Variants in CD101 observed in about 807,000 individuals in gnomAD.
The protein encoded by CD101 is immunoglobulin superfamily member 2.
CD101 carries 76 observed loss-of-function variants against 98.2 expected under a neutral mutation model. The observed-to-expected ratio is 0.77, with a 90% CI of 0.64 to 0.94. The LOEUF is 0.94. CD101 is among the 40% of genes least tolerant of loss of function. The probability of loss-of-function intolerance (pLI) is 0.00; values close to 1 mark genes in which losing one functional copy is unlikely to be tolerated. For missense variants in CD101, 1,145 were observed against 1,218.8 expected (o/e 0.94, Z 0.90); for synonymous variants, 471 against 472.7 (o/e 1.00, Z 0.05).
chr1:117,028,102 T>G (rs1175754936), intron 8 of CD101, among the ~76,000 whole-genome samples: 3 of 145,450 alleles, frequency 2.1e-5, no homozygotes, highest in Non-Finnish European at 4.5e-5. Context: ...AATAAATAAA[T>G]AAATAAAATA....
intron 8 of CD101, among the ~76,000 whole-genome samples, chr1:117,031,781 T>C (rs1654481229): frequency 6.6e-6 from 1 of 152,238 alleles, no homozygotes; most frequent in Admixed American, 6.5e-5. Flanking sequence ...AGGAAACTAA[T>C]GATTAAGAGA....
chr1:117,027,563 G>C (rs539236748), intron 8 of CD101, among the ~76,000 whole-genome samples: 1 of 152,120 alleles, frequency 6.6e-6, no homozygotes, highest in Non-Finnish European at 1.5e-5. Context: ...TGTTATATTC[G>C]GGGAACTCCT....
At position 117,019,021 on chromosome 1, in the gene CD101, G is replaced by A. The variant is rs766591143; in HGVS notation, c.2017+461G>A. Among the ~76,000 whole-genome samples the A allele has an allele frequency of 2.0e-5, 3 of 152,168 alleles. No homozygotes were observed. The highest frequency in any genetic ancestry group is 4.4e-5 in the Non-Finnish European group (3 of 68,046). ...ACCTACTTCTTTGTAAGGTGTTAATGTATAAGAGTCAGAGAATTTATTATT... is the reference window on the plus strand; with the variant it reads ...ACCTACTTCTTTGTAAGGTGTTAATATATAAGAGTCAGAGAATTTATTATT... On this transcript the variant is annotated intron_variant, in intron 6 of 9. Coordinates refer to ENST00000682167, the MANE Select transcript of CD101 (RefSeq NM_001256106.3). The surrounding 1 kb of genome is among the most constrained non-coding windows in gnomAD (Gnocchi z 4.3).
At chr1:117,017,886 A>G (rs1248338143) in intron 5 of CD101, among the ~76,000 whole-genome samples, 5 of 152,202 alleles carry the variant, frequency 3.3e-5, no homozygotes, top group East Asian at 3.9e-4. Flanking sequence ...CCACCCACTC[A>G]GCAGCAGCTG....
chr1:117,020,027 C>T (rs1653482462), intron 6 of CD101, among the ~76,000 whole-genome samples: 1 of 152,036 alleles, frequency 6.6e-6, no homozygotes, highest in Non-Finnish European at 1.5e-5. Flanking sequence ...TGTCCATGTT[C>T]CCTCTCACTC....
chr1:117,036,075 A>G lies in CD101; in HGVS notation c.*34-93A>G, dbSNP rs969000518. 2.6e-5 allele frequency: 4 copies of G among 152,332 alleles called. No individual in the cohort carries two copies. The highest frequency in any genetic ancestry group is 9.7e-5 in the African/African-American group (4 of 41,408). The allele number at this position is 152,332 out of a possible 1,614,324, so 9.4% of individuals were successfully genotyped here. A position where few individuals can be genotyped will look rare whatever the true frequency, so the allele number is the denominator to read the frequency against. On this transcript the variant is annotated intron_variant, in intron 9 of 9. Coordinates refer to ENST00000682167, the MANE Select transcript of CD101 (RefSeq NM_001256106.3). The surrounding 1 kb of genome is among the most constrained non-coding windows in gnomAD (Gnocchi z 5.0). ...CACCTCTTCCCCTTTTGAATCCAGC[A>G]CAGAGATAGCACAGAGGAGATGTAA...
intron 8 of CD101, 97 bp downstream of exon 8, chr1:117,026,001 G>A: frequency 1.5e-6 from 2 of 1,343,892 alleles, no homozygotes; most frequent in Admixed American, 2.5e-5. Flanking sequence ...TCCTTCTGAA[G>A]ACAATTTTCA....
At chr1:117,025,342 G>A in intron 7 of CD101, 167 bp from the exon 8 acceptor site, 2 of 524,472 alleles carry the variant, frequency 3.8e-6, no homozygotes, top group Non-Finnish European at 6.2e-6. Context: ...TGGCCTGGGT[G>A]ACAGAGCAAG....
At chr1:117,027,681 T>C (rs1383507853) in intron 8 of CD101, among the ~76,000 whole-genome samples, 2 of 152,152 alleles carry the variant, frequency 1.3e-5, no homozygotes, top group East Asian at 3.9e-4. Flanking sequence ...GTCTAGAGTA[T>C]GAAGCTAAGA....
At chr1:117,008,567 ATGCACT>A (rs1408680483) in intron 1 of CD101, among the ~76,000 whole-genome samples, 2 of 152,204 alleles carry the variant, frequency 1.3e-5, no homozygotes, top group Non-Finnish European at 2.9e-5. Context: ...TATGAAATAT[ATGCACT>A]TGACTGCATC....
At position 117,018,126 on chromosome 1, in the gene CD101, T is replaced by C; in HGVS notation, c.1613-30T>C. On this transcript the variant is annotated intron_variant, in intron 5 of 9. Transcript: ENST00000682167. The surrounding 1 kb of genome is among the most constrained non-coding windows in gnomAD (Gnocchi z 4.3). ...GCTATATTTTAATCTGGTAAATATA[T>C]TAGAAATTCTGTTTCATTTTTCTGT... 1 of 1,533,370 alleles carries C rather than the reference T, an allele frequency of 6.5e-7. No homozygotes were observed. Among genetic ancestry groups the C allele is most frequent in the Non-Finnish European group, 8.8e-7 (1 of 1,141,272 alleles). 95.0% of individuals were successfully genotyped at this position (1,533,370 alleles called of 1,614,324 possible).
Position 117,011,598 on chromosome 1 carries a change from A to G in CD101, c.473A>G (p.Lys158Arg). Residue 158 changes from lysine to arginine, a missense_variant, in exon 3 of 10, where the codon AAG becomes AGG. Coordinates refer to ENST00000682167, the MANE Select transcript of CD101 (RefSeq NM_001256106.3). Reference sequence around the variant, plus strand: ...ACCATGAGTTCTCAGACTCTCGGTAAGGAGGAAGGTGAGCCATTAGCCCTC... The same window carrying G: ...ACCATGAGTTCTCAGACTCTCGGTAGGGAGGAAGGTGAGCCATTAGCCCTC... ...SATMSSQTLG[K>R]EEGEPLALTC... The G allele has an allele frequency of 6.2e-7, 1 of 1,613,632 alleles. No homozygotes were observed. The highest frequency in any genetic ancestry group is 8.5e-7 in the Non-Finnish European group (1 of 1,179,852).
rs936891822 is a variant in CD101, at chr1:117,010,872, AG to A, written c.424+643del. 6.6e-6 allele frequency among the ~76,000 whole-genome samples: 1 copy of A among 152,108 alleles called. No individual in the cohort carries two copies. Among genetic ancestry groups the A allele is most frequent in the Admixed American group, 6.6e-5 (1 of 15,264 alleles). On this transcript the variant is annotated intron_variant, in intron 2 of 9. Transcript: ENST00000682167. This position sits in a 1 kb window ranked among gnomAD's most constrained non-coding sequence, Gnocchi z 5.2. ...ATACCACTGCTCTCAGCATGTATCCAGTTACATGGTAATTGGCTATTTGTAT... is the reference window on the plus strand; with the variant it reads ...ATACCACTGCTCTCAGCATGTATCCATTACATGGTAATTGGCTATTTGTAT...
rs372571058 is a variant in CD101, at chr1:117,013,707, G to A, written c.1143G>A (p.Glu381=). The A allele has an allele frequency of 6.2e-7, 1 of 1,613,958 alleles. No individual in the cohort carries two copies. The highest frequency in any genetic ancestry group is 8.5e-7 in the Non-Finnish European group (1 of 1,180,038). ...DEGAYRCVVA[E]VMKTRTGSWQ... ...GCGCCTACAGATGTGTGGTAGCAGAGGTCATGAAAACACGCACAGGTTCCT... is the reference window on the plus strand; with the variant it reads ...GCGCCTACAGATGTGTGGTAGCAGAAGTCATGAAAACACGCACAGGTTCCT... Residue 381 remains glutamate, a synonymous_variant, in exon 4 of 10, where the codon GAG becomes GAA. Coordinates refer to ENST00000682167, the MANE Select transcript of CD101 (RefSeq NM_001256106.3).
Position 117,022,179 on chromosome 1 carries a change from G to A in CD101, c.2428+196G>A, listed in dbSNP as rs1653628644. Among the ~76,000 whole-genome samples, 1 of 152,198 alleles carries A rather than the reference G, an allele frequency of 6.6e-6. No individual in the cohort carries two copies. The highest frequency in any genetic ancestry group is 6.5e-5 in the Admixed American group (1 of 15,272). ...GGTCACTTAAGGCAATCCAATCTGA[G>A]GTTTTGGGGAGCTGAGGTAGGAGCA... is the stretch of plus-strand genomic sequence containing the variant. On this transcript the variant is annotated intron_variant, in intron 7 of 9. Transcript: ENST00000682167. This position sits in a 1 kb window ranked among gnomAD's most constrained non-coding sequence, Gnocchi z 4.8.
chr1:117,027,050 C>T (rs1001047391), intron 8 of CD101, among the ~76,000 whole-genome samples: 11 of 152,146 alleles, frequency 7.2e-5, no homozygotes, highest in African/African-American at 1.7e-4. Flanking sequence ...TGAAATCATA[C>T]GCTGGTTACT....
intron 1 of CD101, 101 bp from the exon 2 acceptor site, chr1:117,009,749 T>G (rs1461394943): frequency 7.8e-7 from 1 of 1,278,286 alleles, no homozygotes; most frequent in African/African-American, 1.5e-5. Context: ...ACTTGCGATC[T>G]CATTTACCAG....
At chr1:117,016,863 A>G (rs1653250214) in intron 4 of CD101, among the ~76,000 whole-genome samples, 1 of 152,180 alleles carries the variant, frequency 6.6e-6, no homozygotes, top group African/African-American at 2.4e-5. Context: ...CTTTAGAAAT[A>G]AATAAATTGT....
intron 5 of CD101, among the ~76,000 whole-genome samples, chr1:117,017,846 G>A (rs1044727029): frequency 6.6e-6 from 1 of 152,198 alleles, no homozygotes; most frequent in Admixed American, 6.5e-5. Context: ...GGTAAGGGAA[G>A]GAGGCCAGAC....
Sources: gnomAD v4.1 joint callset for allele counts (sites outside exome capture counted in the v4.1 genomes callset) on GRCh38, gnomAD v4.1.1 for gene constraint, Gnocchi (gnomAD v3.1) non-coding constraint, MANE v1.5 for transcripts, NCBI Gene and HGNC (gene_info 2026-07-23, HGNC 2026-07-21) for gene names.